ANO2: variants seen among roughly 807,000 people sequenced by gnomAD.
The protein encoded by ANO2 is anoctamin 2.
Under a neutral mutation model 124.2 loss-of-function variants are expected in ANO2, and 101 were observed. The observed-to-expected ratio is 0.81, with a 90% CI of 0.69 to 0.96. The LOEUF (loss-of-function observed/expected upper bound fraction) is 0.96. ANO2 is among the 40% of genes least tolerant of loss of function. ANO2 has a pLI of 0.00. For synonymous variants in ANO2, 486 were observed against 482.5 expected (o/e 1.01, Z -0.09); for missense variants, 1,293 against 1,274.5 (o/e 1.01, Z -0.22).
rs550667705 is a variant in ANO2, at chr12:5,824,006, G to A, written c.892+3763C>T. On this transcript the variant is annotated intron_variant, in intron 7 of 24. Coordinates refer to ENST00000682330, the MANE Select transcript of ANO2 (RefSeq NM_001364791.2). The stretch of plus-strand genomic sequence containing the variant: ...GGCCCCTTTCAGCCACAGCTGGAGC[G>A]GCTGGAACACAGGGCAGCAAGTCCC... Among the ~76,000 whole-genome samples, 20 of 152,308 alleles carry A rather than the reference G, an allele frequency of 1.3e-4. No homozygotes were observed. The East Asian group carries it at 1.4e-3, about 10-fold the overall frequency.
chr12:5,661,835 C>T (rs1947459045), intron 14 of ANO2, among the ~76,000 whole-genome samples: 5 of 152,268 alleles, frequency 3.3e-5, no homozygotes, highest in African/African-American at 9.6e-5. Context: ...CTACCCCTCC[C>T]TCGCTGTTTT....
In ANO2 at chr12:5,615,864, T is replaced by C. The variant is rs1159122162; in HGVS notation, c.1817-567A>G. Among the ~76,000 whole-genome samples, 7 of 152,080 alleles carry C rather than the reference T, an allele frequency of 4.6e-5. No individual in the cohort carries two copies. In the East Asian group the frequency reaches 1.4e-3, roughly 29 times the overall value. ...ATGTCCTGTGGGGAACCTAAGACAC[T>C]TCCCAGTCATACACTCAAATGATAA... On this transcript the variant is annotated intron_variant, in intron 16 of 24. Transcript: ENST00000682330.
chr12:5,912,735 G>A (rs1406970579), intron 3 of ANO2, among the ~76,000 whole-genome samples: 2 of 152,200 alleles, frequency 1.3e-5, no homozygotes, highest in Non-Finnish European at 2.9e-5. Context: ...AAAGAGGCAA[G>A]GGAGAAGCCC....
At chr12:5,889,752 T>C (rs1939255587) in intron 3 of ANO2, among the ~76,000 whole-genome samples, 1 of 152,232 alleles carries the variant, frequency 6.6e-6, no homozygotes, top group Non-Finnish European at 1.5e-5. Context: ...AATGAAAGCT[T>C]TTAGGTCAGT....
chr12:5,945,458 C>T (rs1006575889), upstream of ANO2, among the ~76,000 whole-genome samples: 1 of 152,336 alleles, frequency 6.6e-6, no homozygotes, highest in South Asian at 2.1e-4. Context: ...AGCGCGGTCC[C>T]GCGGCCGGGT....
At chr12:5,604,749 T>A (rs561347230) in intron 19 of ANO2, among the ~76,000 whole-genome samples, 125 of 152,052 alleles carry the variant, frequency 8.2e-4, no homozygotes, top group African/African-American at 2.3e-3. Context: ...TTAAAAAAAA[T>A]AATAATAAAG....
chr12:5,744,341 G>A, intron 11 of ANO2, 24 bp from the exon 12 acceptor site: 1 of 1,613,438 alleles, frequency 6.2e-7, no homozygotes, highest in Non-Finnish European at 8.5e-7. Context: ...AGGTTGTTGG[G>A]TCAGGTGGAG....
intron 10 of ANO2, among the ~76,000 whole-genome samples, chr12:5,753,023 C>T (rs1177101331): frequency 6.6e-6 from 1 of 152,092 alleles, no homozygotes; most frequent in African/African-American, 2.4e-5. Flanking sequence ...ACAAGGTATA[C>T]TTTGTAAACC....
intron 20 of ANO2, among the ~76,000 whole-genome samples, chr12:5,588,778 C>G (rs1412324079): frequency 6.6e-6 from 1 of 152,198 alleles, no homozygotes; most frequent in African/African-American, 2.4e-5. Flanking sequence ...TGACACATTG[C>G]ACAATTGGTT....
intron 3 of ANO2, among the ~76,000 whole-genome samples, chr12:5,883,780 T>C (rs1003852480): frequency 6.6e-6 from 1 of 152,166 alleles, no homozygotes; most frequent in African/African-American, 2.4e-5. Flanking sequence ...ACTGATCTCA[T>C]AGGTCATTTC....
intron 7 of ANO2, among the ~76,000 whole-genome samples, chr12:5,812,390 G>A (rs200584921): frequency 4.9e-4 from 62 of 125,686 alleles, no homozygotes; most frequent in East Asian, 4.8e-3. Context: ...AAAGAAAGAA[G>A]GGAAGGAAGG....
At chr12:5,777,978 T>A (rs1952278790) in intron 10 of ANO2, among the ~76,000 whole-genome samples, 1 of 152,166 alleles carries the variant, frequency 6.6e-6, no homozygotes, top group Non-Finnish European at 1.5e-5. Context: ...TGTCCAGCTG[T>A]TCCCCATCTC....
intron 20 of ANO2, among the ~76,000 whole-genome samples, chr12:5,594,788 T>C (rs1943578804): frequency 2.0e-5 from 3 of 152,102 alleles, no homozygotes; most frequent in South Asian, 2.1e-4. Flanking sequence ...CAGTGACCCA[T>C]GATGGTGCCA....
At chr12:5,874,520 T>G (rs1289925258) in intron 3 of ANO2, among the ~76,000 whole-genome samples, 1 of 152,230 alleles carries the variant, frequency 6.6e-6, no homozygotes, top group Non-Finnish European at 1.5e-5. Context: ...GCCTCTCTGT[T>G]GTCACAGCCT....
At chr12:5,746,415 G>A (rs944489115) in intron 11 of ANO2, among the ~76,000 whole-genome samples, 1 of 152,088 alleles carries the variant, frequency 6.6e-6, no homozygotes, top group South Asian at 2.1e-4. Flanking sequence ...CAGAATTCTA[G>A]AGGAATTCTG....
At chr12:5,638,706 C>A (rs1946172409) in intron 15 of ANO2, among the ~76,000 whole-genome samples, 1 of 152,022 alleles carries the variant, frequency 6.6e-6, no homozygotes, top group African/African-American at 2.4e-5. Context: ...GCAGCGCCTC[C>A]CGTAGAACTG....
intron 1 of ANO2, among the ~76,000 whole-genome samples, chr12:5,942,078 A>T (rs1942917435): frequency 6.6e-6 from 1 of 151,962 alleles, no homozygotes; most frequent in Non-Finnish European, 1.5e-5. Flanking sequence ...CTTCCTAAGA[A>T]CTTCCTGATG....
At chr12:5,824,840 G>C (rs1953907488) in intron 7 of ANO2, among the ~76,000 whole-genome samples, 1 of 152,170 alleles carries the variant, frequency 6.6e-6, no homozygotes, top group South Asian at 2.1e-4. Context: ...GGTGGGAGGG[G>C]AAAGGCACTT....
intron 10 of ANO2, among the ~76,000 whole-genome samples, chr12:5,771,383 C>T (rs1343278003): frequency 6.6e-6 from 1 of 152,158 alleles, no homozygotes; most frequent in African/African-American, 2.4e-5. Flanking sequence ...TTTTAAGTAA[C>T]AGTGTAGATG....
Sources: allele counts gnomAD v4.1 joint callset (sites outside exome capture counted in the v4.1 genomes callset), GRCh38; gene constraint gnomAD v4.1.1; transcripts MANE v1.5; gene names NCBI Gene and HGNC (gene_info 2026-07-23, HGNC 2026-07-21).